THBS2: variants seen among roughly 807,000 people sequenced by gnomAD.
THBS2 encodes thrombospondin-2.
A neutral mutation model predicts 135.2 loss-of-function variants in THBS2; 47 were observed. That is an observed-to-expected ratio of 0.35 (90% CI 0.28 to 0.44). THBS2 has a LOEUF of 0.44. THBS2 is among the 20% of genes least tolerant of loss of function. The probability of loss-of-function intolerance (pLI) is 1.00; values close to 1 mark genes in which losing one functional copy is unlikely to be tolerated. For synonymous variants in THBS2, 639 were observed against 633.8 expected, an observed-to-expected ratio of 1.01 and a Z score of -0.12; for missense variants, 1,288 against 1,603.1, an observed-to-expected ratio of 0.80 and a Z score of 3.36.
chr6:169,235,434 A>G (rs1163797103), intron 9 of THBS2, among the ~76,000 whole-genome samples: 2 of 151,982 alleles, frequency 1.3e-5, no homozygotes, highest in African/African-American at 4.8e-5. Flanking sequence ...CCTCACAGGC[A>G]GTTCCCATGA....
intron 20 of THBS2, 105 bp from the exon 21 acceptor site, chr6:169,220,442 C>T: frequency 1.4e-6 from 2 of 1,427,672 alleles, no homozygotes; most frequent in African/African-American, 1.4e-5. Flanking sequence ...GCTGTGGATA[C>T]TCCGCCCAGG....
intron 7 of THBS2, among the ~76,000 whole-genome samples, chr6:169,238,778 C>T (rs1780194132): frequency 6.6e-6 from 1 of 152,216 alleles, no homozygotes; most frequent in Non-Finnish European, 1.5e-5. Context: ...AGGTAAGGTG[C>T]CCTGAGGATG....
Position 169,221,429 on chromosome 6 carries a change from C to A in THBS2, c.3371+1G>T. The A allele has an allele frequency of 6.2e-7, 1 of 1,613,924 alleles. No individual in the cohort carries two copies. Among genetic ancestry groups the A allele is most frequent in the South Asian group, 1.1e-5 (1 of 91,082 alleles). On this transcript the variant is annotated splice_donor_variant, in intron 20 of 21. Coordinates refer to ENST00000617924, the MANE Select transcript of THBS2 (RefSeq NM_003247.5). LOFTEE classifies it high-confidence loss of function. ...ATGCAGCTGTGCTGACCTGCCCTCA[C>A]CTGATGTAGCCAGTCTTGGGCCTGT...
At chr6:169,239,107 CGTG>C (rs1780204533) in intron 7 of THBS2, 1 of 153,736 alleles carries the variant, frequency 6.5e-6, no homozygotes, top group Non-Finnish European at 1.4e-5. Flanking sequence ...GGTGCCCACA[CGTG>C]GTTCCTCTCC....
intron 20 of THBS2, 84 bp from the exon 21 acceptor site, chr6:169,220,421 T>C: frequency 1.3e-6 from 2 of 1,515,568 alleles, no homozygotes; most frequent in Non-Finnish European, 1.8e-6. Context: ...GAAGGTTGGC[T>C]CCGGACACAA....
At chr6:169,231,144 T>C (rs1779816439) in intron 13 of THBS2, among the ~76,000 whole-genome samples, 2 of 152,074 alleles carry the variant, frequency 1.3e-5, no homozygotes, top group Admixed American at 6.5e-5. Context: ...TCATCTTGTA[T>C]GGTAACAAGT....
chr6:169,227,071 A>G (rs1482154042), intron 15 of THBS2, among the ~76,000 whole-genome samples: 1 of 152,200 alleles, frequency 6.6e-6, no homozygotes, highest in East Asian at 1.9e-4. Context: ...AACCCACCAC[A>G]TTCCCAGAGA....
At position 169,225,473 on chromosome 6, in the gene THBS2, T is replaced by C. The variant is rs1583406561; in HGVS notation, c.2539-94A>G. On this transcript the variant is annotated intron_variant, in intron 16 of 21. Transcript: ENST00000617924. ...GACGCAAGCCTGAGAGCCGGCCTCC[T>C]CGTCCTGCAGCACAAGCCCCAGGGC... The C allele has an allele frequency of 7.0e-6, 9 of 1,286,262 alleles. No individual in the cohort carries two copies. In the East Asian group the frequency reaches 1.5e-4, roughly 22 times the overall value. The allele number at this position is 1,286,262 out of a possible 1,614,324, so 79.7% of individuals were successfully genotyped here. A position where few individuals can be genotyped will look rare whatever the true frequency, so the allele number is the denominator to read the frequency against.
intron 10 of THBS2, 68 bp from the exon 11 acceptor site, chr6:169,233,085 T>C: frequency 4.2e-6 from 6 of 1,438,586 alleles, no homozygotes; most frequent in Non-Finnish European, 5.5e-6. Context: ...GCCCGCCCTG[T>C]GGGCCGTCAA....
Position 169,225,157 on chromosome 6 carries a change from C to T in THBS2, c.2761G>A (p.Glu921Lys). 2 of 1,614,212 alleles carry T rather than the reference C, an allele frequency of 1.2e-6. No homozygotes were observed. The highest frequency in any genetic ancestry group is 1.3e-5 in the African/African-American group (1 of 75,058). Residue 921 changes from glutamate (E) to lysine (K), a missense_variant, in exon 17 of 22, where the codon GAG (glutamate) becomes AAG (lysine). By Grantham distance (56) the Glu-to-Lys change is moderately conservative. Around this residue, in one of 2 missense-constraint regions of THBS2, gnomAD observed 874 missense variants for 1,156.1 expected, o/e 0.76. Coordinates refer to ENST00000617924, the MANE Select transcript of THBS2 (RefSeq NM_003247.5). ...NCRLVFNPDQEDLDGDGRGDI... is the reference protein window; with the variant it reads ...NCRLVFNPDQKDLDGDGRGDI... ...AGAGAGCACCCACCGTCCAAGTCCT[C>T]CTGGTCTGGGTTGAACACAAGCCGG... is the stretch of plus-strand genomic sequence containing the variant.
At chr6:169,245,516 GGC>G (rs1269928219) in intron 4 of THBS2, among the ~76,000 whole-genome samples, 1 of 152,128 alleles carries the variant, frequency 6.6e-6, no homozygotes, top group Non-Finnish European at 1.5e-5. Context: ...TTCTAGGCCG[GGC>G]GTGGTGGCTC....
intron 17 of THBS2, among the ~76,000 whole-genome samples, chr6:169,224,703 C>A (rs1444198844): frequency 6.6e-6 from 1 of 152,230 alleles, no homozygotes; most frequent in African/African-American, 2.4e-5. Flanking sequence ...TTCATGCTCA[C>A]TGCTGAGCAA....
intron 17 of THBS2, among the ~76,000 whole-genome samples, chr6:169,224,323 C>G (rs1779540776): frequency 6.6e-6 from 1 of 152,206 alleles, no homozygotes; most frequent in African/African-American, 2.4e-5. Context: ...TGGGGAAAGG[C>G]TGCATGGGGA....
At chr6:169,243,067 C>G (rs1255376854) in intron 4 of THBS2, among the ~76,000 whole-genome samples, 1 of 149,230 alleles carries the variant, frequency 6.7e-6, no homozygotes, top group Non-Finnish European at 1.5e-5. Context: ...CCCACCACTC[C>G]CACCTTCCCA....
At chr6:169,229,099 C>T (rs1779743792) in intron 14 of THBS2, among the ~76,000 whole-genome samples, 1 of 152,158 alleles carries the variant, frequency 6.6e-6, no homozygotes, top group African/African-American at 2.4e-5. Flanking sequence ...GTCAATGTCT[C>T]CCATCAAAGT....
In THBS2 at chr6:169,241,733, A is replaced by G. The variant is rs778841770; in HGVS notation, c.891+29T>C. 6.4e-7 allele frequency: 1 copy of G among 1,569,296 alleles called. No individual in the cohort carries two copies. The highest frequency in any genetic ancestry group is 8.7e-7 in the Non-Finnish European group (1 of 1,148,474). The stretch of plus-strand genomic sequence containing the variant: ...GCGGCGGAGCTGCCCATGCCCTATG[A>G]CCCCCGCGGCCCCTGCGTGAGTACC... On this transcript the variant is annotated intron_variant, in intron 5 of 21. Coordinates refer to ENST00000617924, the MANE Select transcript of THBS2 (RefSeq NM_003247.5). The surrounding 1 kb of genome is among the most constrained non-coding windows in gnomAD (Gnocchi z 5.5).
intron 3 of THBS2, among the ~76,000 whole-genome samples, chr6:169,246,973 T>C (rs1328421338): frequency 6.6e-6 from 1 of 152,202 alleles, no homozygotes; most frequent in African/African-American, 2.4e-5. Flanking sequence ...AAAATGGACA[T>C]GAAACCATTC....
chr6:169,225,935 A>G (rs1562355402), intron 16 of THBS2, among the ~76,000 whole-genome samples: 1 of 152,374 alleles, frequency 6.6e-6, no homozygotes, highest in Non-Finnish European at 1.5e-5. Context: ...TTTGAGTTGA[A>G]TAAATGTTTT....
rs755939816 is a variant in THBS2 at position 169,222,474 on chromosome 6, T to C, written c.3002-6A>G. ...AGACCCAAACTCGTCAAAACCTGGA[T>C]GCAACGCCATAAGGTTTCGTTAGAA... is the stretch of plus-strand genomic sequence containing the variant. On this transcript the variant is annotated splice_region_variant and splice_polypyrimidine_tract_variant and intron_variant, in intron 18 of 21. Coordinates refer to ENST00000617924, the MANE Select transcript of THBS2 (RefSeq NM_003247.5). The C allele has an allele frequency of 2.5e-6, 4 of 1,611,178 alleles. No individual in the cohort carries two copies. The highest frequency in any genetic ancestry group is 1.7e-5 in the Admixed American group (1 of 59,946).
Sources: allele counts gnomAD v4.1 joint callset (sites outside exome capture counted in the v4.1 genomes callset), GRCh38; gene constraint gnomAD v4.1.1; regional missense constraint gnomAD v4.1.1; non-coding constraint Gnocchi (gnomAD v3.1); transcripts MANE v1.5; gene names NCBI Gene and HGNC (gene_info 2026-07-23, HGNC 2026-07-21).